Variants in ZNF91 observed in about 807,000 individuals in gnomAD.
ZNF91 encodes zinc finger protein 91 (HPF7, HTF10).
ZNF91 carries 7 observed loss-of-function variants against 12.6 expected under a neutral mutation model. That is an observed-to-expected ratio of 0.55 (90% CI 0.31 to 1.04). The LOEUF (loss-of-function observed/expected upper bound fraction) is 1.04, where lower values mean the gene tolerates loss of function less well. Ranked by LOEUF, ZNF91 falls within the 50% of genes least tolerant of loss-of-function variation. The pLI is 0.05. For missense variants in ZNF91, 1,217 were observed against 1,385.4 expected, an observed-to-expected ratio of 0.88 and a Z score of 1.93; for synonymous variants, 453 against 462.6, an observed-to-expected ratio of 0.98 and a Z score of 0.27.
intron 2 of ZNF91, chr19:23,307,804 A>G (rs1324969059): frequency 6.6e-6 from 1 of 152,234 alleles, no homozygotes; most frequent in Non-Finnish European, 1.5e-5. Context: ...TGGACCCAGC[A>G]CCAAGGTGAT....
intron 3 of ZNF91, among the ~76,000 whole-genome samples, chr19:23,364,683 T>C (rs1053970151): frequency 6.6e-6 from 1 of 151,984 alleles, no homozygotes. Context: ...CATAAAAAAA[T>C]ATAGATTCAG....
At position 23,361,610 on chromosome 19, in the gene ZNF91, T is replaced by C. The variant is rs1968774732; in HGVS notation, c.1369A>G (p.Thr457Ala). The change falls in exon 4 of 4, where the codon ACT (threonine) becomes GCT (alanine). Residue 457 changes from threonine (T) to alanine (A), a missense_variant. Physicochemically the swap from Thr to Ala is moderately conservative, Grantham distance 58. Coordinates refer to ENST00000300619, the MANE Select transcript of ZNF91 (RefSeq NM_003430.4). Reference protein sequence around the residue: ...SSLTKHKRFHTREKPFKCKEC... With the variant: ...SSLTKHKRFHAREKPFKCKEC... ...TTACATTTGAAGGGTTTCTCTCTAG[T>C]ATGAAATCTTTTATGTTTAGTAAGG... The C allele has an allele frequency of 6.2e-7, 1 of 1,613,624 alleles. No homozygotes were observed. The highest frequency in any genetic ancestry group is 1.3e-5 in the African/African-American group (1 of 74,838).
upstream of ZNF91, among the ~76,000 whole-genome samples, chr19:23,314,371 A>T (rs1015583097): frequency 1.3e-5 from 2 of 152,062 alleles, no homozygotes; most frequent in African/African-American, 4.8e-5. Flanking sequence ...CACAGAAGGG[A>T]GGGTAACTTG....
In ZNF91 at chr19:23,358,413, A is replaced by C. The variant is rs1968553998; in HGVS notation, c.*990T>G. On this transcript the variant is annotated 3_prime_UTR_variant, in exon 4 of 4. Coordinates refer to ENST00000300619, the MANE Select transcript of ZNF91 (RefSeq NM_003430.4). Reference sequence around the variant, plus strand: ...CTTAAATTTTCATCATGCATCTTACATTTTTAATGTCCTTACCTTTCCATA... The same window carrying C: ...CTTAAATTTTCATCATGCATCTTACCTTTTTAATGTCCTTACCTTTCCATA... 6.6e-6 allele frequency: 1 copy of C among 152,180 alleles called. No individual in the cohort carries two copies. Among genetic ancestry groups the C allele is most frequent in the African/African-American group, 2.4e-5 (1 of 41,446 alleles). 9.4% of individuals were successfully genotyped at this position (152,180 alleles called of 1,614,324 possible). A position where few individuals can be genotyped will look rare whatever the true frequency, so the allele number is the denominator to read the frequency against.
intron 1 of ZNF91, among the ~76,000 whole-genome samples, chr19:23,316,050 G>T (rs1164095991): frequency 2.0e-5 from 3 of 152,070 alleles, no homozygotes; most frequent in Non-Finnish European, 2.9e-5. Flanking sequence ...GAAGACAGGG[G>T]TATTATATGA....
rs769228107 is a variant in ZNF91 at position 23,395,286 on chromosome 19, C to T, written c.30+39G>A. 4.3e-6 allele frequency: 7 copies of T among 1,610,064 alleles called. No individual in the cohort carries two copies. The South Asian group carries it at 6.6e-5, about 15-fold the overall frequency. Reference sequence around the variant, plus strand: ...CGCATCCCACCGGTTTCAACGAGCCCCGTTCCCTCTCTCGGGACGTCGCAC... The same window carrying T: ...CGCATCCCACCGGTTTCAACGAGCCTCGTTCCCTCTCTCGGGACGTCGCAC... On this transcript the variant is annotated intron_variant, in intron 1 of 3. Transcript: ENST00000300619.
chr19:23,391,121 A>G (rs961048320), intron 1 of ZNF91, among the ~76,000 whole-genome samples: 2 of 152,258 alleles, frequency 1.3e-5, no homozygotes, highest in Non-Finnish European at 2.9e-5. Flanking sequence ...CACTGTTAAC[A>G]GCAATGTATA....
At chr19:23,376,709 G>A (rs1406108668) in intron 1 of ZNF91, among the ~76,000 whole-genome samples, 1 of 152,080 alleles carries the variant, frequency 6.6e-6, no homozygotes, top group Non-Finnish European at 1.5e-5. Flanking sequence ...ATTTTTAAAA[G>A]TAGTTAAGAC....
At chr19:23,385,780 CTGTTTT>C (rs1969848303) in intron 1 of ZNF91, among the ~76,000 whole-genome samples, 1 of 152,124 alleles carries the variant, frequency 6.6e-6, no homozygotes, top group Admixed American at 6.5e-5. Flanking sequence ...TAAAACTTTT[CTGTTTT>C]CACATTTGAA....
chr19:23,369,472 C>T lies in ZNF91; in HGVS notation c.253+4270G>A, dbSNP rs558889407. On this transcript the variant is annotated intron_variant, in intron 3 of 3. Coordinates refer to ENST00000300619, the MANE Select transcript of ZNF91 (RefSeq NM_003430.4). ...CCGCCCCTTCTGGGAAGTGAGGAGC[C>T]CCTCTGCCCGGCCACCACCCCGTCT... Among the ~76,000 whole-genome samples, 1,423 of 151,994 alleles carry T rather than the reference C, an allele frequency of 9.4e-3. 21 individuals carry two copies. The highest frequency in any genetic ancestry group is 0.032 in the African/African-American group (1,339 of 41,464).
At chr19:23,351,268 G>A (rs1968357813) in intron 3 of ZNF91, among the ~76,000 whole-genome samples, 1 of 150,476 alleles carries the variant, frequency 6.6e-6, no homozygotes, top group African/African-American at 2.5e-5. Context: ...AGGTTACAGT[G>A]AGCCAAGATC....
At chr19:23,318,677 A>G (rs1403100461) in intron 1 of ZNF91, among the ~76,000 whole-genome samples, 1 of 151,988 alleles carries the variant, frequency 6.6e-6, no homozygotes, top group African/African-American at 2.4e-5. Context: ...CACGTCTCTG[A>G]TTCCAGTACC....
chr19:23,332,669 A>G (rs1273712227), intron 1 of ZNF91, among the ~76,000 whole-genome samples: 3 of 152,114 alleles, frequency 2.0e-5, no homozygotes, highest in Non-Finnish European at 4.4e-5. Context: ...GATTTCCAGA[A>G]ATAAATCACA....
At chr19:23,311,363 T>C (rs1287099276), upstream of ZNF91, among the ~76,000 whole-genome samples, 6 of 152,058 alleles carry the variant, frequency 3.9e-5, no homozygotes, top group South Asian at 6.2e-4. Context: ...TAGGTGATGC[T>C]ACTTTCTCGC....
chr19:23,362,062 G>A lies in ZNF91; in HGVS notation c.917C>T (p.Ser306Phe), dbSNP rs1449451716. The A allele has an allele frequency of 7.4e-6, 12 of 1,613,868 alleles. No homozygotes were observed. The highest frequency in any genetic ancestry group is 1.1e-5 in the South Asian group (1 of 91,070). Residue 306 changes from serine to phenylalanine, a missense_variant, in exon 4 of 4, where the codon TCT (serine) becomes TTT (phenylalanine). Physicochemically the swap from Ser to Phe is radical, Grantham distance 155 (BLOSUM62 -2). Around this residue, in one of 2 missense-constraint regions of ZNF91, gnomAD observed 726 missense variants for 895.5 expected, o/e 0.81. Coordinates refer to ENST00000300619, the MANE Select transcript of ZNF91 (RefSeq NM_003430.4). The part of the protein sequence containing the change: ...CEECGKAFSH[S>F]STLAKHKRIH... ...TCTCTTATGTTTAGCAAGGGTTGAAGAATGGCTAAAAGCTTTGCCACATTC... is the reference window on the plus strand; with the variant it reads ...TCTCTTATGTTTAGCAAGGGTTGAAAAATGGCTAAAAGCTTTGCCACATTC...
upstream of ZNF91, chr19:23,310,638 T>C (rs1041490011): frequency 2.6e-5 from 4 of 152,344 alleles, no homozygotes; most frequent in African/African-American, 9.6e-5. Flanking sequence ...CCAAGTGATT[T>C]GACTCTCCTT....
exon 4 of ZNF91, chr19:23,338,953 G>C (rs952220773): frequency 2.0e-5 from 3 of 151,862 alleles, no homozygotes; most frequent in Non-Finnish European, 4.4e-5. Flanking sequence ...TCAGGAGGCT[G>C]AGACAGGAGA....
chr19:23,378,827 G>C (rs542771828), intron 1 of ZNF91, among the ~76,000 whole-genome samples: 40 of 152,200 alleles, frequency 2.6e-4, no homozygotes, highest in African/African-American at 7.0e-4. Flanking sequence ...GCATGGTAGG[G>C]ACCATGACTG....
At chr19:23,341,212 G>A (rs1180476517) in intron 3 of ZNF91, among the ~76,000 whole-genome samples, 1 of 152,032 alleles carries the variant, frequency 6.6e-6, no homozygotes, top group Non-Finnish European at 1.5e-5. Flanking sequence ...CACCACGCCT[G>A]GCTAACTTTT....
Sources: gnomAD v4.1 joint callset for allele counts (sites outside exome capture counted in the v4.1 genomes callset) on GRCh38, gnomAD v4.1.1 for gene constraint, gnomAD v4.1.1 regional missense constraint, MANE v1.5 for transcripts, NCBI Gene and HGNC (gene_info 2026-07-23, HGNC 2026-07-21) for gene names.